Variants in GRAMD1C observed in about 807,000 individuals in gnomAD.
GRAMD1C encodes protein Aster-C.
A neutral mutation model predicts 97.8 loss-of-function variants in GRAMD1C; 89 were observed. That is an observed-to-expected ratio of 0.91 (90% CI 0.77 to 1.09). The LOEUF is 1.09. GRAMD1C is among the 50% of genes least tolerant of loss of function. GRAMD1C has a pLI of 0.00. For missense variants in GRAMD1C, 740 were observed against 766.4 expected (o/e 0.97, Z 0.41); for synonymous variants, 256 against 267.0 (o/e 0.96, Z 0.40).
Position 113,896,568 on chromosome 3 carries a change from AT to A in GRAMD1C, c.541-4462del, listed in dbSNP as rs1380356773. ...ATTTTCTCATAGCTATTTGTTCACC[AT>A]CGTAAATATATTTAGTTACAATTTC... On this transcript the variant is annotated intron_variant, in intron 6 of 17. Transcript: ENST00000358160. Among the ~76,000 whole-genome samples the A allele has an allele frequency of 2.0e-5, 3 of 152,248 alleles. No homozygotes were observed. In the East Asian group the frequency reaches 5.8e-4, roughly 29 times the overall value.
chr3:113,850,829 T>A, intron 2 of GRAMD1C: 2 of 461,894 alleles, frequency 4.3e-6, no homozygotes, highest in East Asian at 4.3e-5. Flanking sequence ...TGAGATGGAG[T>A]ATTGCTCTGT....
intron 6 of GRAMD1C, among the ~76,000 whole-genome samples, chr3:113,899,943 T>G (rs1053610172): frequency 3.3e-5 from 5 of 152,202 alleles, no homozygotes; most frequent in Non-Finnish European, 7.3e-5. Context: ...TATTGATATA[T>G]AAGATTTTTA....
Position 113,899,140 on chromosome 3 carries a change from G to A in GRAMD1C, c.541-1891G>A, listed in dbSNP as rs189346470. On this transcript the variant is annotated intron_variant, in intron 6 of 17. Coordinates refer to ENST00000358160, the MANE Select transcript of GRAMD1C (RefSeq NM_017577.5). Reference sequence around the variant, plus strand: ...AGTCTATATTTATCTCTACTATTTCGCAACTTAAAATTTTTATTTCAGTTA... The same window carrying A: ...AGTCTATATTTATCTCTACTATTTCACAACTTAAAATTTTTATTTCAGTTA... 2.6e-3 allele frequency among the ~76,000 whole-genome samples: 402 copies of A among 152,138 alleles called. 2 individuals are homozygous for A. Among genetic ancestry groups the A allele is most frequent in the Middle Eastern group, 0.02 (6 of 294 alleles).
At chr3:113,915,594 C>A in intron 9 of GRAMD1C, 107 bp from the exon 10 acceptor site, 1 of 796,376 alleles carries the variant, frequency 1.3e-6, no homozygotes, top group South Asian at 1.8e-5. Flanking sequence ...ATTTAAAAAC[C>A]ATTTTATGCC....
intron 6 of GRAMD1C, among the ~76,000 whole-genome samples, chr3:113,892,863 C>T (rs923820476): frequency 1.3e-5 from 2 of 152,062 alleles, no homozygotes; most frequent in Non-Finnish European, 2.9e-5. Context: ...GTGCCAGCCC[C>T]CATCCGTGTT....
intron 10 of GRAMD1C, among the ~76,000 whole-genome samples, chr3:113,927,434 C>G (rs574698688): frequency 6.6e-6 from 1 of 152,184 alleles, no homozygotes; most frequent in Non-Finnish European, 1.5e-5. Context: ...GCAAGAATTA[C>G]ACTCTGCCCC....
rs777339692 is a variant in GRAMD1C at position 113,872,391 on chromosome 3, C to CTT, written c.259+2820_259+2821dup. ...ATGAATCCACTTCATTCTTTTTTTT[C>CTT]TTTTTTTTTTTTTTTTTTTTTGAGA... On this transcript the variant is annotated intron_variant, in intron 3 of 17. Coordinates refer to ENST00000358160, the MANE Select transcript of GRAMD1C (RefSeq NM_017577.5). Among the ~76,000 whole-genome samples the CTT allele has an allele frequency of 2.6e-3, 309 of 117,436 alleles. 8 individuals carry two copies. The highest frequency in any genetic ancestry group is 6.2e-3 in the African/African-American group (175 of 28,034). The allele number at this position is 117,436 out of a possible 152,430, so 77.0% of individuals were successfully genotyped here.
intron 3 of GRAMD1C, among the ~76,000 whole-genome samples, chr3:113,870,974 G>GACACACAC (rs550859238): frequency 1.5e-3 from 117 of 76,262 alleles, no homozygotes; most frequent in African/African-American, 4.9e-3. Context: ...ATAAATAAAA[G>GACACACAC]ACACACACAC....
intron 1 of GRAMD1C, chr3:113,828,392 G>C: frequency 6.6e-6 from 1 of 152,226 alleles, no homozygotes; most frequent in Non-Finnish European, 1.5e-5. Context: ...GAACTGAGGA[G>C]CTGAGCTGCT....
At chr3:113,851,504 G>A (rs1257076583) in intron 2 of GRAMD1C, among the ~76,000 whole-genome samples, 2 of 149,696 alleles carry the variant, frequency 1.3e-5, no homozygotes. Flanking sequence ...CTAGATAATA[G>A]TCAAGTTTTC....
Position 113,845,685 on chromosome 3 carries a change from A to T in GRAMD1C, c.174+1036A>T, listed in dbSNP as rs963509706. Reference sequence around the variant, plus strand: ...GTGCCACTGCCCTCCAGCCTGGGTAACAGAGAGAGACCCTGTCTCAAAAAA... The same window carrying T: ...GTGCCACTGCCCTCCAGCCTGGGTATCAGAGAGAGACCCTGTCTCAAAAAA... On this transcript the variant is annotated intron_variant, in intron 2 of 17. Coordinates refer to ENST00000358160, the MANE Select transcript of GRAMD1C (RefSeq NM_017577.5). 3.9e-4 allele frequency among the ~76,000 whole-genome samples: 59 copies of T among 152,192 alleles called. 1 individual carries two copies. Among genetic ancestry groups the T allele is most frequent in the Admixed American group, 3.8e-3 (58 of 15,272 alleles).
intron 2 of GRAMD1C, among the ~76,000 whole-genome samples, chr3:113,845,389 T>C (rs1933564048): frequency 6.6e-6 from 1 of 152,150 alleles, no homozygotes; most frequent in Non-Finnish European, 1.5e-5. Flanking sequence ...TCCAATTAGT[T>C]CATTAGAAAG....
chr3:113,933,821 T>A (rs1937525875), intron 12 of GRAMD1C, among the ~76,000 whole-genome samples, 168 bp downstream of exon 12: 1 of 152,218 alleles, frequency 6.6e-6, no homozygotes, highest in South Asian at 2.1e-4. Context: ...AGGCCCCCGC[T>A]TGATGAAGGC....
chr3:113,922,399 A>G (rs142472917), intron 10 of GRAMD1C, among the ~76,000 whole-genome samples: 130 of 152,256 alleles, frequency 8.5e-4, no homozygotes, highest in African/African-American at 2.9e-3. Context: ...CAAGGGTTTT[A>G]TAGTTTTAAG....
chr3:113,939,911 G>A lies in GRAMD1C; in HGVS notation c.1717G>A (p.Val573Met), dbSNP rs762563092. The change falls in exon 16 of 18, where the codon GTG becomes ATG. Residue 573 changes from valine to methionine, a missense_variant. Physicochemically the swap from Val to Met is conservative, Grantham distance 21. Coordinates refer to ENST00000358160, the MANE Select transcript of GRAMD1C (RefSeq NM_017577.5). ...TGTGTTGTTATTAGTTTTGTTGAAT[G>A]TGACACTGTTTCTGAAGCTGTCAAA... ...IFVLLLVLLNVTLFLKLSKIE... is the reference protein window; with the variant it reads ...IFVLLLVLLNMTLFLKLSKIE... 6.2e-7 allele frequency: 1 copy of A among 1,604,038 alleles called. No individual in the cohort carries two copies. The highest frequency in any genetic ancestry group is 8.5e-7 in the Non-Finnish European group (1 of 1,170,802).
chr3:113,838,848 G>GGGCGCGGGGCGGTGC lies in GRAMD1C; in HGVS notation c.-59_-45dup, dbSNP rs1709688870. The GGGCGCGGGGCGGTGC allele has an allele frequency of 1.7e-6, 2 of 1,187,244 alleles. No individual in the cohort carries two copies. Among genetic ancestry groups the GGGCGCGGGGCGGTGC allele is most frequent in the Admixed American group, 4.3e-5 (1 of 23,270 alleles). 73.5% of individuals were successfully genotyped at this position (1,187,244 alleles called of 1,614,324 possible). A position where few individuals can be genotyped will look rare whatever the true frequency, so the allele number is the denominator to read the frequency against. ...GTAACTCGCAGCGCGCGCTGGAGGTGGGCGCGGGGCGGTGCGGTGCGGTGC... is the reference window on the plus strand; with the variant it reads ...GTAACTCGCAGCGCGCGCTGGAGGTGGGCGCGGGGCGGTGCGGCGCGGGGCGGTGCGGTGCGGTGC... On this transcript the variant is annotated 5_prime_UTR_variant, in exon 1 of 18. Transcript: ENST00000358160.
At chr3:113,937,102 TC>T (rs372338744) in intron 14 of GRAMD1C, among the ~76,000 whole-genome samples, 15 of 152,376 alleles carry the variant, frequency 9.8e-5, no homozygotes, top group African/African-American at 3.1e-4. Context: ...GCTCTCTTAA[TC>T]CTTATATACT....
chr3:113,888,671 A>AT (rs1394415748), intron 6 of GRAMD1C, among the ~76,000 whole-genome samples: 1 of 152,188 alleles, frequency 6.6e-6, no homozygotes, highest in East Asian at 1.9e-4. Flanking sequence ...CTGAAAAAAA[A>AT]TTTTTTAAAT....
At chr3:113,835,230 T>A (rs536765304), upstream of GRAMD1C, among the ~76,000 whole-genome samples, 1 of 152,372 alleles carries the variant, frequency 6.6e-6, no homozygotes, top group East Asian at 1.9e-4. Context: ...GCTACTGTTT[T>A]ACTGTTTTCC....
Sources: gnomAD v4.1 joint callset for allele counts (sites outside exome capture counted in the v4.1 genomes callset) on GRCh38, gnomAD v4.1.1 for gene constraint, MANE v1.5 for transcripts, NCBI Gene and HGNC (gene_info 2026-07-23, HGNC 2026-07-21) for gene names.